The following EPHA6 variants were observed in gnomAD, a reference collection of about 807,000 sequenced individuals.
EPHA6 encodes the protein ephrin type-A receptor 6.
EPHA6 carries 50 observed loss-of-function variants against 112.0 expected under a neutral mutation model. The ratio of observed to expected loss-of-function variants is 0.45; its 90% CI spans 0.36 to 0.56. The LOEUF (loss-of-function observed/expected upper bound fraction) is 0.56, where lower values mean the gene tolerates loss of function less well. Among genes scored for constraint, EPHA6 ranks in the 20% least tolerant of loss-of-function variants. The probability of loss-of-function intolerance (pLI) is 0.00; values close to 1 mark genes in which losing one functional copy is unlikely to be tolerated. For missense variants in EPHA6, 1,280 were observed against 1,417.4 expected, an observed-to-expected ratio of 0.90 and a Z score of 1.56; for synonymous variants, 529 against 490.7, an observed-to-expected ratio of 1.08 and a Z score of -1.03.
intron 3 of EPHA6, among the ~76,000 whole-genome samples, chr3:97,088,684 A>G (rs1171883360): frequency 6.6e-6 from 1 of 151,932 alleles, no homozygotes; most frequent in Non-Finnish European, 1.5e-5. Context: ...ATTATTCTCC[A>G]CTTTAGATCT....
intron 1 of EPHA6, among the ~76,000 whole-genome samples, chr3:96,830,277 C>T (rs2033976908): frequency 6.6e-6 from 1 of 152,026 alleles, no homozygotes; most frequent in South Asian, 2.1e-4. Flanking sequence ...CCCTGAAAAA[C>T]TCGAACATGT....
At chr3:96,935,040 C>T (rs1014089390) in intron 2 of EPHA6, among the ~76,000 whole-genome samples, 6 of 151,608 alleles carry the variant, frequency 4.0e-5, no homozygotes, top group African/African-American at 7.3e-5. Flanking sequence ...GTCTACCCAA[C>T]GCTTGTACAA....
At chr3:97,424,969 G>A (rs558517294) in intron 6 of EPHA6, among the ~76,000 whole-genome samples, 2 of 152,204 alleles carry the variant, frequency 1.3e-5, no homozygotes, top group African/African-American at 4.8e-5. Context: ...AAATTTTAAA[G>A]CTCCCAAAGA....
At chr3:97,332,415 A>G (rs1173001148) in intron 5 of EPHA6, among the ~76,000 whole-genome samples, 1 of 152,032 alleles carries the variant, frequency 6.6e-6, no homozygotes, top group Non-Finnish European at 1.5e-5. Flanking sequence ...CAGGGCAATC[A>G]GGCAGGAGAA....
chr3:97,013,212 C>T (rs922216993), intron 3 of EPHA6, among the ~76,000 whole-genome samples: 1 of 151,920 alleles, frequency 6.6e-6, no homozygotes, highest in African/African-American at 2.4e-5. Context: ...TTTTCTTCTA[C>T]GATTGTTGTA....
intron 2 of EPHA6, among the ~76,000 whole-genome samples, chr3:96,960,509 A>G (rs1012065679): frequency 4.6e-5 from 7 of 152,174 alleles, no homozygotes; most frequent in Admixed American, 3.9e-4. Flanking sequence ...AAACTAGGGA[A>G]CGATTTTATA....
chr3:96,966,394 A>T (rs576330317), intron 2 of EPHA6, among the ~76,000 whole-genome samples: 1 of 152,246 alleles, frequency 6.6e-6, no homozygotes, highest in East Asian at 1.9e-4. Context: ...CATAGAGCAG[A>T]GTACAGAAAA....
chr3:97,254,558 TC>T (rs113143714), intron 5 of EPHA6, among the ~76,000 whole-genome samples: 11,724 of 152,250 alleles, frequency 0.077, 980 homozygotes, highest in Admixed American at 0.21. Flanking sequence ...TTTTCCACTT[TC>T]TGAATTGTAT....
At chr3:97,413,702 G>C (rs563625616) in intron 6 of EPHA6, among the ~76,000 whole-genome samples, 67 of 151,972 alleles carry the variant, frequency 4.4e-4, no homozygotes, top group Non-Finnish European at 7.4e-4. Context: ...CCTTTGGCAC[G>C]GTGAGTTTGG....
At chr3:97,585,178 T>C (rs2093477035) in intron 11 of EPHA6, among the ~76,000 whole-genome samples, 1 of 152,202 alleles carries the variant, frequency 6.6e-6, no homozygotes, top group Non-Finnish European at 1.5e-5. Flanking sequence ...GTAAATAGAC[T>C]TTTAGAGCTT....
intron 6 of EPHA6, among the ~76,000 whole-genome samples, chr3:97,408,931 A>G (rs2087535989): frequency 6.6e-6 from 1 of 152,110 alleles, no homozygotes; most frequent in African/African-American, 2.4e-5. Flanking sequence ...GACTTCCCCC[A>G]GTAGTTTATG....
At chr3:97,025,666 G>A (rs1453847554) in intron 3 of EPHA6, among the ~76,000 whole-genome samples, 1 of 152,122 alleles carries the variant, frequency 6.6e-6, no homozygotes, top group Non-Finnish European at 1.5e-5. Flanking sequence ...TCCGCTCACT[G>A]CAACCTCTGC....
At chr3:97,227,663 T>C (rs2078400193) in intron 4 of EPHA6, among the ~76,000 whole-genome samples, 2 of 152,162 alleles carry the variant, frequency 1.3e-5, no homozygotes, top group South Asian at 4.1e-4. Flanking sequence ...AAGACACATA[T>C]TAAATAACGC....
chr3:97,702,544 A>G (rs1480977176), intron 14 of EPHA6, among the ~76,000 whole-genome samples: 2 of 152,216 alleles, frequency 1.3e-5, no homozygotes, highest in Non-Finnish European at 2.9e-5. Context: ...TAAATGTAGC[A>G]CAGAGAGAAA....
intron 3 of EPHA6, among the ~76,000 whole-genome samples, chr3:97,146,495 C>G (rs539329210): frequency 1.3e-5 from 2 of 151,766 alleles, no homozygotes; most frequent in Admixed American, 1.3e-4. Context: ...ACATTATTTC[C>G]TCAGACTCAG....
chr3:96,916,607 A>C (rs1041547238), intron 2 of EPHA6, among the ~76,000 whole-genome samples: 3 of 152,164 alleles, frequency 2.0e-5, no homozygotes, highest in Non-Finnish European at 2.9e-5. Flanking sequence ...TGGGGGAGAG[A>C]AACAGAAGAG....
At chr3:97,276,969 A>G (rs2080106345) in intron 5 of EPHA6, among the ~76,000 whole-genome samples, 1 of 152,084 alleles carries the variant, frequency 6.6e-6, no homozygotes, top group South Asian at 2.1e-4. Context: ...GGCGGTGATA[A>G]AAAGATTATA....
intron 5 of EPHA6, among the ~76,000 whole-genome samples, chr3:97,268,504 A>G (rs1673775335): frequency 6.6e-6 from 1 of 152,202 alleles, no homozygotes; most frequent in Admixed American, 6.5e-5. Context: ...AATATTTAGA[A>G]CATACTTCTA....
intron 3 of EPHA6, among the ~76,000 whole-genome samples, chr3:97,213,997 CTGTGTGTGTGTGTGTGTG>C (rs10557927): frequency 1.6e-5 from 2 of 128,868 alleles, no homozygotes; most frequent in African/African-American, 3.2e-5. Context: ...CTCATGTGTT[CTGTGTGTGTGTGTGTGTG>C]TGTGTGTGTG....
Sources: allele counts gnomAD v4.1 joint callset (sites outside exome capture counted in the v4.1 genomes callset), GRCh38; gene constraint gnomAD v4.1.1; transcripts MANE v1.5; gene names NCBI Gene and HGNC (gene_info 2026-07-23, HGNC 2026-07-21).